Variants in DEXI observed in about 807,000 individuals in gnomAD.
DEXI encodes the protein dexamethasone-induced protein.
DEXI carries 2 observed loss-of-function variants against 2.5 expected under a neutral mutation model. The observed-to-expected ratio is 0.81, with a 90% CI of 0.33 to 2.55. The LOEUF (loss-of-function observed/expected upper bound fraction) is 2.55. Ranked by LOEUF, DEXI falls within the 30% of genes most tolerant of loss-of-function variation. The pLI is 0.11. For synonymous variants in DEXI, 71 were observed against 68.7 expected (o/e 1.03, Z -0.17); for missense variants, 108 against 130.3 (o/e 0.83, Z 0.83).
rs907004389 is a variant in DEXI, at chr16:10,940,306, A to C, written c.*149+1263T>G. 2.0e-5 allele frequency: 3 copies of C among 152,230 alleles called. No homozygotes were observed. The highest frequency in any genetic ancestry group is 4.4e-5 in the Non-Finnish European group (3 of 68,052). 9.4% of individuals were successfully genotyped at this position (152,230 alleles called of 1,614,324 possible). A position where few individuals can be genotyped will look rare whatever the true frequency, so the allele number is the denominator to read the frequency against. On this transcript the variant is annotated intron_variant, in intron 1 of 1. Coordinates refer to ENST00000331808, the MANE Select transcript of DEXI (RefSeq NM_014015.4). The surrounding 1 kb of genome is among the most constrained non-coding windows in gnomAD (Gnocchi z 4.2). Reference sequence around the variant, plus strand: ...TCATGGGTGGGATTAATGCCCTTATAAGAACAGTAAGAGATAAATGTTTAA... The same window carrying C: ...TCATGGGTGGGATTAATGCCCTTATCAGAACAGTAAGAGATAAATGTTTAA...
chr16:10,932,291 T>C (rs892232964), intron 1 of DEXI: 1 of 152,266 alleles, frequency 6.6e-6, no homozygotes, highest in Non-Finnish European at 1.5e-5. Flanking sequence ...ACTTGTGTTA[T>C]GAAGCATTTA....
Position 10,937,356 on chromosome 16 carries a change from G to A in DEXI, c.*149+4213C>T, listed in dbSNP as rs919037966. ...ACTCAAATCTGACTGTGTCCCTGTG[G>A]AAGGTTTGGGTTTCTGACCTGGGCA... On this transcript the variant is annotated intron_variant, in intron 1 of 1. Coordinates refer to ENST00000331808, the MANE Select transcript of DEXI (RefSeq NM_014015.4). This position sits in a 1 kb window ranked among gnomAD's most constrained non-coding sequence, Gnocchi z 4.2. 8.5e-5 allele frequency: 13 copies of A among 152,346 alleles called. No homozygotes were observed. Among genetic ancestry groups the A allele is most frequent in the African/African-American group, 1.7e-4 (7 of 41,446 alleles). 9.4% of individuals were successfully genotyped at this position (152,346 alleles called of 1,614,324 possible).
Position 10,929,522 on chromosome 16 carries a change from A to G in DEXI, c.*187T>C, listed in dbSNP as rs1001349506. On this transcript the variant is annotated 3_prime_UTR_variant, in exon 2 of 2. Coordinates refer to ENST00000331808, the MANE Select transcript of DEXI (RefSeq NM_014015.4). This position sits in a 1 kb window ranked among gnomAD's most constrained non-coding sequence, Gnocchi z 4.3. ...TCCACTCTCCTGGGTTCAAACAGGAACCTCTCTGTTGGCACGAAGCTTTTG... is the reference window on the plus strand; with the variant it reads ...TCCACTCTCCTGGGTTCAAACAGGAGCCTCTCTGTTGGCACGAAGCTTTTG... 1 of 985,524 alleles carries G rather than the reference A, an allele frequency of 1.0e-6. No individual in the cohort carries two copies. Among genetic ancestry groups the G allele is most frequent in the East Asian group, 1.1e-4 (1 of 8,818 alleles). The allele number at this position is 985,524 out of a possible 1,614,324, so 61.0% of individuals were successfully genotyped here.
Position 10,942,315 on chromosome 16 carries a change from G to A in DEXI, c.-310C>T. ...TCCCTGGCGCTCGCAGGGCCTCGCA[G>A]AGCCGGTGGGGATCCCACCGCGGCT... On this transcript the variant is annotated 5_prime_UTR_variant, in exon 1 of 2. Coordinates refer to ENST00000331808, the MANE Select transcript of DEXI (RefSeq NM_014015.4). The surrounding 1 kb of genome is among the most constrained non-coding windows in gnomAD (Gnocchi z 5.0). The A allele has an allele frequency of 3.6e-6, 1 of 278,406 alleles. No individual in the cohort carries two copies. Among genetic ancestry groups the A allele is most frequent in the South Asian group, 4.3e-5 (1 of 23,260 alleles). The allele number at this position is 278,406 out of a possible 1,614,324, so 17.2% of individuals were successfully genotyped here.
At chr16:10,930,444 T>G (rs2040736211) in intron 1 of DEXI, 1 of 152,154 alleles carries the variant, frequency 6.6e-6, no homozygotes, top group African/African-American at 2.4e-5. Context: ...CAACTAAAAA[T>G]GCCCTCCTAC....
rs1156928088 is a variant in DEXI, at chr16:10,939,669, A to G, written c.*149+1900T>C. Reference sequence around the variant, plus strand: ...TCAGCTAAAGCAGCCCACCATCTCTATCCTACCGTTTCACTTCTGTTTCAC... The same window carrying G: ...TCAGCTAAAGCAGCCCACCATCTCTGTCCTACCGTTTCACTTCTGTTTCAC... On this transcript the variant is annotated intron_variant, in intron 1 of 1. Coordinates refer to ENST00000331808, the MANE Select transcript of DEXI (RefSeq NM_014015.4). The surrounding 1 kb of genome is among the most constrained non-coding windows in gnomAD (Gnocchi z 4.9). 3.9e-5 allele frequency: 6 copies of G among 152,196 alleles called. No individual in the cohort carries two copies. The East Asian group carries it at 9.6e-4, about 24-fold the overall frequency. 9.4% of individuals were successfully genotyped at this position (152,196 alleles called of 1,614,324 possible).
At position 10,942,462 on chromosome 16, in the gene DEXI, G is replaced by A. The variant is rs537605356; in HGVS notation, c.-457C>T. 5 of 152,964 alleles carry A rather than the reference G, an allele frequency of 3.3e-5. No individual in the cohort carries two copies. Among genetic ancestry groups the A allele is most frequent in the South Asian group, 2.0e-4 (1 of 4,902 alleles). 9.5% of individuals were successfully genotyped at this position (152,964 alleles called of 1,614,324 possible). On this transcript the variant is annotated 5_prime_UTR_variant, in exon 1 of 2. Transcript: ENST00000331808. This position sits in a 1 kb window ranked among gnomAD's most constrained non-coding sequence, Gnocchi z 5.0. ...GCGGCCGCCGCGTAGCCCTCCCGGT[G>A]GCGCTCGGAGCTCCGCCTCCCGAGG...
rs1440895699 is a variant in DEXI at position 10,929,108 on chromosome 16, C to T, written c.*601G>A. The T allele has an allele frequency of 3.0e-6, 2 of 663,940 alleles. No individual in the cohort carries two copies. The highest frequency in any genetic ancestry group is 3.9e-5 in the African/African-American group (2 of 50,798). The allele number at this position is 663,940 out of a possible 1,614,324, so 41.1% of individuals were successfully genotyped here. ...AAGGAGCGAGAATCCCACCCTCAGC[C>T]CCCCAACAGCTTCCTCAGCTTCTTT... On this transcript the variant is annotated 3_prime_UTR_variant, in exon 2 of 2. Coordinates refer to ENST00000331808, the MANE Select transcript of DEXI (RefSeq NM_014015.4). This position sits in a 1 kb window ranked among gnomAD's most constrained non-coding sequence, Gnocchi z 4.3.
Position 10,934,220 on chromosome 16 carries a change from C to T in DEXI, c.*150-4661G>A, listed in dbSNP as rs1373015764. ...TCCAGGTCCTGCCACATCCAAGAAC[C>T]ACCTGGACTATTATTTACTTAGTAT... On this transcript the variant is annotated intron_variant, in intron 1 of 1. Transcript: ENST00000331808. The surrounding 1 kb of genome is among the most constrained non-coding windows in gnomAD (Gnocchi z 4.2). 1 of 152,252 alleles carries T rather than the reference C, an allele frequency of 6.6e-6. No homozygotes were observed. Among genetic ancestry groups the T allele is most frequent in the Non-Finnish European group, 1.5e-5 (1 of 68,054 alleles). 9.4% of individuals were successfully genotyped at this position (152,252 alleles called of 1,614,324 possible).
chr16:10,941,686 G>A lies in DEXI; in HGVS notation c.*32C>T. The A allele has an allele frequency of 6.3e-7, 1 of 1,581,182 alleles. No homozygotes were observed. The highest frequency in any genetic ancestry group is 1.2e-5 in the South Asian group (1 of 84,944). On this transcript the variant is annotated 3_prime_UTR_variant, in exon 1 of 2. Coordinates refer to ENST00000331808, the MANE Select transcript of DEXI (RefSeq NM_014015.4). The surrounding 1 kb of genome is among the most constrained non-coding windows in gnomAD (Gnocchi z 6.4). ...TGGTCCAGGGCATGGGTTGCGGATC[G>A]TGTAGGGAAGAGGGGAACAGCAGTC...
chr16:10,942,071 G>A lies in DEXI; in HGVS notation c.-66C>T. The A allele has an allele frequency of 1.6e-6, 2 of 1,285,754 alleles. No homozygotes were observed. Among genetic ancestry groups the A allele is most frequent in the Non-Finnish European group, 2.0e-6 (2 of 1,004,638 alleles). 79.6% of individuals were successfully genotyped at this position (1,285,754 alleles called of 1,614,324 possible). ...ACTCAGCCGCTGCGGCGCCCGGGCG[G>A]CCGGCGAGGGCACAGCGCAGCCATC... On this transcript the variant is annotated 5_prime_UTR_variant, in exon 1 of 2. Coordinates refer to ENST00000331808, the MANE Select transcript of DEXI (RefSeq NM_014015.4). The surrounding 1 kb of genome is among the most constrained non-coding windows in gnomAD (Gnocchi z 5.0).
At position 10,934,438 on chromosome 16, in the gene DEXI, A is replaced by C. The variant is rs1056124958; in HGVS notation, c.*150-4879T>G. The C allele has an allele frequency of 1.3e-5, 2 of 152,260 alleles. No individual in the cohort carries two copies. Among genetic ancestry groups the C allele is most frequent in the African/African-American group, 4.8e-5 (2 of 41,444 alleles). 9.4% of individuals were successfully genotyped at this position (152,260 alleles called of 1,614,324 possible). A position where few individuals can be genotyped will look rare whatever the true frequency, so the allele number is the denominator to read the frequency against. ...CTTGTGCCAGTTAAAAGGGCAAAGC[A>C]GTAGGTGCTCAGGGGGTGTCGGGGC... On this transcript the variant is annotated intron_variant, in intron 1 of 1. Coordinates refer to ENST00000331808, the MANE Select transcript of DEXI (RefSeq NM_014015.4). The surrounding 1 kb of genome is among the most constrained non-coding windows in gnomAD (Gnocchi z 4.2).
chr16:10,935,703 T>A (rs1177179066), intron 1 of DEXI: 1 of 152,238 alleles, frequency 6.6e-6, no homozygotes. Flanking sequence ...TGCCTCTCGA[T>A]AAGATGCACT....
rs1349867100 is a variant in DEXI, at chr16:10,934,794, C to T, written c.*150-5235G>A. On this transcript the variant is annotated intron_variant, in intron 1 of 1. Transcript: ENST00000331808. The surrounding 1 kb of genome is among the most constrained non-coding windows in gnomAD (Gnocchi z 4.2). ...CCTTACCCTTGAGGGAGTTCCCCGC[C>T]ACTCCAAGCTTGGGGCCTGGGATGG... 6.6e-6 allele frequency: 1 copy of T among 152,226 alleles called. No homozygotes were observed. Among genetic ancestry groups the T allele is most frequent in the Non-Finnish European group, 1.5e-5 (1 of 68,038 alleles). The allele number at this position is 152,226 out of a possible 1,614,324, so 9.4% of individuals were successfully genotyped here.
chr16:10,933,086 T>C (rs2040868386), intron 1 of DEXI: 1 of 152,160 alleles, frequency 6.6e-6, no homozygotes, highest in Non-Finnish European at 1.5e-5. Context: ...CAGCAGGTTC[T>C]CCAACCTTCT....
Position 10,941,423 on chromosome 16 carries a change from C to T in DEXI, c.*149+146G>A. ...CCCAAACGAAGGGCTTAAGAGGAGT[C>T]TGGCCATTCCTGGCATCCAGTTAGA... On this transcript the variant is annotated intron_variant, in intron 1 of 1. Transcript: ENST00000331808. The surrounding 1 kb of genome is among the most constrained non-coding windows in gnomAD (Gnocchi z 6.4). The T allele has an allele frequency of 2.7e-6, 2 of 743,756 alleles. No individual in the cohort carries two copies. The highest frequency in any genetic ancestry group is 3.6e-6 in the Non-Finnish European group (2 of 548,388). 46.1% of individuals were successfully genotyped at this position (743,756 alleles called of 1,614,324 possible).
intron 1 of DEXI, chr16:10,933,647 T>G (rs1040170143): frequency 6.6e-6 from 1 of 152,210 alleles, no homozygotes; most frequent in African/African-American, 2.4e-5. Context: ...GTTCCTTCCC[T>G]CCTTAGCCCC....
At position 10,938,061 on chromosome 16, in the gene DEXI, C is replaced by T. The variant is rs529778352; in HGVS notation, c.*149+3508G>A. ...CATTTGCAAGGGCATGGGTATAACA[C>T]GCTTTCCATTGTATCCGACTATGAA... is the stretch of plus-strand genomic sequence containing the variant. On this transcript the variant is annotated intron_variant, in intron 1 of 1. Transcript: ENST00000331808. This position sits in a 1 kb window ranked among gnomAD's most constrained non-coding sequence, Gnocchi z 4.9. 9 of 152,362 alleles carry T rather than the reference C, an allele frequency of 5.9e-5. No homozygotes were observed. Among genetic ancestry groups the T allele is most frequent in the African/African-American group, 1.4e-4 (6 of 41,580 alleles). The allele number at this position is 152,362 out of a possible 1,614,324, so 9.4% of individuals were successfully genotyped here. A position where few individuals can be genotyped will look rare whatever the true frequency, so the allele number is the denominator to read the frequency against.
intron 1 of DEXI, chr16:10,933,200 G>A (rs1005504030): frequency 6.6e-6 from 1 of 152,248 alleles, no homozygotes; most frequent in Non-Finnish European, 1.5e-5. Context: ...GCTGGACAGA[G>A]GACGTGGCTG....
Sources: gnomAD v4.1 joint callset for allele counts on GRCh38, gnomAD v4.1.1 for gene constraint, Gnocchi (gnomAD v3.1) non-coding constraint, MANE v1.5 for transcripts, NCBI Gene and HGNC (gene_info 2026-07-23, HGNC 2026-07-21) for gene names.